KCNMB2: variants seen among roughly 807,000 people sequenced by gnomAD.
KCNMB2 encodes calcium-activated potassium channel subunit beta-2.
KCNMB2 carries 9 observed loss-of-function variants against 24.5 expected under a neutral mutation model. That is an observed-to-expected ratio of 0.37 (90% CI 0.22 to 0.64). KCNMB2 has a LOEUF of 0.64. Among genes scored for constraint, KCNMB2 ranks in the 30% least tolerant of loss-of-function variants. The pLI is 0.63. For missense variants in KCNMB2, 226 were observed against 284.3 expected, an observed-to-expected ratio of 0.79 and a Z score of 1.47; for synonymous variants, 109 against 104.4, an observed-to-expected ratio of 1.04 and a Z score of -0.27.
intron 1 of KCNMB2, among the ~76,000 whole-genome samples, chr3:178,546,209 G>A (rs1715767280): frequency 1.3e-5 from 2 of 152,122 alleles, no homozygotes; most frequent in African/African-American, 2.4e-5. Flanking sequence ...AAAGAAAACT[G>A]GCTAGAGAAT....
chr3:178,744,069 A>C (rs1723582478), intron 1 of KCNMB2, among the ~76,000 whole-genome samples: 1 of 152,192 alleles, frequency 6.6e-6, no homozygotes, highest in African/African-American at 2.4e-5. Context: ...ATCTTTTTTT[A>C]ACTACCTGCA....
intron 4 of KCNMB2, among the ~76,000 whole-genome samples, chr3:178,832,227 T>G (rs1373071478): frequency 6.6e-6 from 1 of 152,146 alleles, no homozygotes; most frequent in Non-Finnish European, 1.5e-5. Flanking sequence ...AAGGACACAT[T>G]CACTGAGTAT....
At chr3:178,782,500 G>A (rs1306389875) in intron 1 of KCNMB2, among the ~76,000 whole-genome samples, 3 of 150,638 alleles carry the variant, frequency 2.0e-5, no homozygotes, top group African/African-American at 7.3e-5. Flanking sequence ...GCGTGAGATG[G>A]TATCTCATTG....
intron 1 of KCNMB2, among the ~76,000 whole-genome samples, chr3:178,548,143 C>G (rs1325027232): frequency 2.0e-5 from 3 of 152,136 alleles, no homozygotes; most frequent in Non-Finnish European, 4.4e-5. Flanking sequence ...TCATATTTTT[C>G]AAAGTGGTAG....
In KCNMB2 at chr3:178,842,700, C is replaced by T. The variant is rs1019627056; in HGVS notation, c.471C>T (p.Ser157=). 6.2e-7 allele frequency: 1 copy of T among 1,612,840 alleles called. No homozygotes were observed. Among genetic ancestry groups the T allele is most frequent in the African/African-American group, 1.3e-5 (1 of 74,876 alleles). Residue 157 remains serine, a synonymous_variant, in exon 5 of 5, where the codon TCC becomes TCT. Coordinates refer to ENST00000452583, the MANE Select transcript of KCNMB2 (RefSeq NM_181361.3). ...KCGKNFEESM[S]LVNVVMENFR... ...GAAAAAATTTTGAAGAATCCATGTCCCTGGTGAATGTTGTCATGGAAAACT... is the reference window on the plus strand; with the variant it reads ...GAAAAAATTTTGAAGAATCCATGTCTCTGGTGAATGTTGTCATGGAAAACT...
intron 1 of KCNMB2, among the ~76,000 whole-genome samples, chr3:178,653,791 G>A (rs906961595): frequency 3.2e-4 from 48 of 151,942 alleles, no homozygotes; most frequent in Non-Finnish European, 6.8e-4. Flanking sequence ...GTAAAATTTG[G>A]CTAGCTGAGA....
intron 1 of KCNMB2, among the ~76,000 whole-genome samples, chr3:178,568,837 AT>A (rs1716648570): frequency 1.3e-5 from 1 of 75,260 alleles, no homozygotes; most frequent in African/African-American, 4.1e-5. Flanking sequence ...TAGATGATAG[AT>A]AGATAGATAG....
intron 1 of KCNMB2, among the ~76,000 whole-genome samples, chr3:178,697,179 ATCTG>A (rs1210322031): frequency 7.2e-5 from 11 of 152,094 alleles, no homozygotes; most frequent in African/African-American, 2.7e-4. Flanking sequence ...TGTCTCAGTG[ATCTG>A]TCTAATATTT....
intron 1 of KCNMB2, among the ~76,000 whole-genome samples, chr3:178,624,866 C>T (rs568326634): frequency 7.8e-4 from 118 of 152,052 alleles, no homozygotes; most frequent in African/African-American, 2.3e-3. Flanking sequence ...GGGAGGGCCC[C>T]ATGGTCTTTT....
chr3:178,795,838 T>C (rs908886203), intron 1 of KCNMB2, among the ~76,000 whole-genome samples: 9 of 152,200 alleles, frequency 5.9e-5, no homozygotes, highest in Admixed American at 5.9e-4. Context: ...AAATAGATTA[T>C]GTGTGTGACA....
At chr3:178,547,127 A>C (rs1054301082) in intron 1 of KCNMB2, among the ~76,000 whole-genome samples, 2 of 152,192 alleles carry the variant, frequency 1.3e-5, no homozygotes, top group African/African-American at 4.8e-5. Context: ...TTATTGTGGA[A>C]GTGGGTCCCT....
At chr3:178,806,303 A>C (rs1713965074) in intron 1 of KCNMB2, among the ~76,000 whole-genome samples, 1 of 152,206 alleles carries the variant, frequency 6.6e-6, no homozygotes, top group Admixed American at 6.5e-5. Context: ...CAGAGTTTTC[A>C]TTGTATAAGC....
chr3:178,712,617 G>A (rs187940994), intron 1 of KCNMB2, among the ~76,000 whole-genome samples: 287 of 152,198 alleles, frequency 1.9e-3, no homozygotes, highest in Non-Finnish European at 2.8e-3. Context: ...ATTTTCTTAG[G>A]AACCCTACAA....
intron 1 of KCNMB2, among the ~76,000 whole-genome samples, chr3:178,578,183 G>T (rs1039334220): frequency 1.3e-5 from 2 of 152,196 alleles, no homozygotes; most frequent in Non-Finnish European, 2.9e-5. Context: ...AGATCTCTCT[G>T]CAGAAACCCT....
intron 1 of KCNMB2, among the ~76,000 whole-genome samples, chr3:178,728,079 T>C: frequency 6.6e-6 from 1 of 152,234 alleles, no homozygotes; most frequent in Non-Finnish European, 1.5e-5. Flanking sequence ...GTGAATTTTT[T>C]CATTAATCAC....
At chr3:178,832,567 C>T (rs1715091420) in intron 4 of KCNMB2, among the ~76,000 whole-genome samples, 1 of 80,872 alleles carries the variant, frequency 1.2e-5, no homozygotes, top group East Asian at 2.1e-4. Context: ...TGGCCACATA[C>T]GAGGTTTTCT....
At chr3:178,603,681 G>C (rs953957127) in intron 1 of KCNMB2, among the ~76,000 whole-genome samples, 2 of 152,156 alleles carry the variant, frequency 1.3e-5, no homozygotes, top group African/African-American at 4.8e-5. Flanking sequence ...ACCATAGGGA[G>C]AGCATGTTAG....
intron 1 of KCNMB2, among the ~76,000 whole-genome samples, chr3:178,779,223 T>A (rs540140076): frequency 6.6e-6 from 1 of 152,226 alleles, no homozygotes; most frequent in South Asian, 2.1e-4. Flanking sequence ...GTCCATTTGA[T>A]GGCCTTTCCC....
chr3:178,614,749 C>G (rs150375023), intron 1 of KCNMB2, among the ~76,000 whole-genome samples: 2 of 152,180 alleles, frequency 1.3e-5, no homozygotes, highest in African/African-American at 4.8e-5. Flanking sequence ...GGTCACATAA[C>G]TGTTTCTCCA....
Sources: gnomAD v4.1 joint callset for allele counts (sites outside exome capture counted in the v4.1 genomes callset) on GRCh38, gnomAD v4.1.1 for gene constraint, MANE v1.5 for transcripts, NCBI Gene and HGNC (gene_info 2026-07-23, HGNC 2026-07-21) for gene names.